The following ZNF420 variants were observed in gnomAD, a reference collection of about 807,000 sequenced individuals.
ZNF420 encodes ATM and p53-associated KZNF protein.
Under a neutral mutation model 44.7 loss-of-function variants are expected in ZNF420, and 31 were observed. The observed-to-expected ratio is 0.69, with a 90% CI of 0.52 to 0.94. ZNF420 has a LOEUF of 0.94. Among genes scored for constraint, ZNF420 ranks in the 40% least tolerant of loss-of-function variants. The pLI, the probability that ZNF420 is intolerant of heterozygous loss-of-function variation, is 0.00. For synonymous variants in ZNF420, 245 were observed against 267.4 expected, an observed-to-expected ratio of 0.92 and a Z score of 0.82; for missense variants, 681 against 827.9, an observed-to-expected ratio of 0.82 and a Z score of 2.18.
intron 1 of ZNF420, among the ~76,000 whole-genome samples, chr19:37,078,884 C>T (rs531341054): frequency 3.0e-4 from 45 of 152,238 alleles, no homozygotes; most frequent in African/African-American, 8.7e-4. Context: ...ACAGTTGTGA[C>T]AAGAGTGTTT....
In ZNF420 at chr19:37,026,422, C is replaced by T. The variant is rs150739887; in HGVS notation, c.-125+18340C>T. On this transcript the variant is annotated intron_variant, in intron 1 of 4. Coordinates refer to the ZNF420 transcript ENST00000587029. ...TGCACCTCCGCCTCCTGGGTTCAAG[C>T]GATTCTCCTGCCTTAACTTCCCAAG... Among the ~76,000 whole-genome samples, 159 of 151,524 alleles carry T rather than the reference C, an allele frequency of 1.0e-3. 1 individual carries two copies. Among genetic ancestry groups the T allele is most frequent in the Middle Eastern group, 6.8e-3 (2 of 292 alleles).
intron 1 of ZNF420, among the ~76,000 whole-genome samples, chr19:37,061,824 A>G (rs532887081): frequency 1.3e-5 from 2 of 152,342 alleles, no homozygotes; most frequent in South Asian, 4.1e-4. Context: ...CAGAAACAAT[A>G]CACGTAAGAT....
intron 1 of ZNF420, among the ~76,000 whole-genome samples, chr19:37,058,047 C>A (rs564373713): frequency 6.6e-6 from 1 of 152,164 alleles, no homozygotes; most frequent in East Asian, 1.9e-4. Context: ...GGGATCTGGC[C>A]TCTGCTCTGT....
At chr19:37,032,779 T>G (rs1967287061) in intron 1 of ZNF420, among the ~76,000 whole-genome samples, 1 of 152,120 alleles carries the variant, frequency 6.6e-6, no homozygotes, top group Non-Finnish European at 1.5e-5. Context: ...CTTGCCCAGA[T>G]CAAGAGTTAC....
In ZNF420 at chr19:37,127,889, A is replaced by G; in HGVS notation, c.898A>G (p.Ile300Val). Residue 300 changes from isoleucine (I) to valine (V), a missense_variant, in exon 5 of 5, where the codon ATT becomes GTT. Transcript: ENST00000337995. ...QLSQLILHKRIHTGEKPYECK... is the reference protein window; with the variant it reads ...QLSQLILHKRVHTGEKPYECK... ...CTCACAACTTATTCTGCATAAGAGA[A>G]TTCATACCGGTGAGAAACCCTATGA... 6.2e-7 allele frequency: 1 copy of G among 1,613,952 alleles called. No individual in the cohort carries two copies. Among genetic ancestry groups the G allele is most frequent in the Non-Finnish European group, 8.5e-7 (1 of 1,179,954 alleles).
intron 1 of ZNF420, among the ~76,000 whole-genome samples, chr19:37,035,800 T>G (rs2146403042): frequency 7.1e-6 from 1 of 141,086 alleles, no homozygotes; most frequent in South Asian, 2.2e-4. Context: ...TAATTGCCCT[T>G]AATAATTGTT....
At chr19:37,028,142 C>G (rs1235207914) in intron 1 of ZNF420, among the ~76,000 whole-genome samples, 3 of 152,148 alleles carry the variant, frequency 2.0e-5, no homozygotes, top group Admixed American at 2.0e-4. Flanking sequence ...AGTGGTATCT[C>G]ATCTTTGTTT....
upstream of ZNF420, chr19:37,078,308 C>T (rs1326108963): frequency 1.3e-5 from 2 of 152,274 alleles, no homozygotes; most frequent in Non-Finnish European, 2.9e-5. Flanking sequence ...GCCCGGGCCT[C>T]CTGGCGTTCT....
At chr19:37,010,710 C>T (rs984854540) in intron 1 of ZNF420, among the ~76,000 whole-genome samples, 2 of 151,914 alleles carry the variant, frequency 1.3e-5, no homozygotes, top group Non-Finnish European at 2.9e-5. Context: ...CAATCGGTTT[C>T]GCGGCAGTTC....
rs550684018 is a variant in ZNF420 at position 37,031,544 on chromosome 19, C to T, written c.-125+23462C>T. ...TTTTGGACACGGAGTCTCGCTCTGTCGCCCAGGCTGGAGTGTAGTGGCATG... is the reference window on the plus strand; with the variant it reads ...TTTTGGACACGGAGTCTCGCTCTGTTGCCCAGGCTGGAGTGTAGTGGCATG... On this transcript the variant is annotated intron_variant, in intron 1 of 4. Transcript: ENST00000587029. Among the ~76,000 whole-genome samples the T allele has an allele frequency of 1.8e-4, 27 of 152,022 alleles. No individual in the cohort carries two copies. In the South Asian group the frequency reaches 5.2e-3, roughly 29 times the overall value.
chr19:37,009,938 C>G (rs1281407457), intron 1 of ZNF420, among the ~76,000 whole-genome samples: 4 of 152,144 alleles, frequency 2.6e-5, no homozygotes, highest in African/African-American at 7.2e-5. Context: ...CCCCCACTCC[C>G]TCGCCGCCCC....
At position 37,091,046 on chromosome 19, in the gene ZNF420, G is replaced by A; in HGVS notation, c.61G>A (p.Glu21Lys). The change falls in exon 4 of 5, where the codon GAA becomes AAA. Residue 21 changes from glutamate to lysine, a missense_variant. Transcript: ENST00000337995. ...VAIDFSQEEWECLDSAQRDLY... is the reference protein window; with the variant it reads ...VAIDFSQEEWKCLDSAQRDLY... ...CATTGACTTCTCTCAGGAAGAGTGGGAATGCCTGGACTCTGCTCAGAGAGA... is the reference window on the plus strand; with the variant it reads ...CATTGACTTCTCTCAGGAAGAGTGGAAATGCCTGGACTCTGCTCAGAGAGA... 6.2e-7 allele frequency: 1 copy of A among 1,613,494 alleles called. No individual in the cohort carries two copies. The highest frequency in any genetic ancestry group is 1.7e-5 in the Admixed American group (1 of 59,966).
At chr19:37,125,800 GA>G (rs5827972) in intron 4 of ZNF420, among the ~76,000 whole-genome samples, 147,855 of 152,302 alleles carry the variant, frequency 0.97, 71,795 homozygotes, top group East Asian at 1. Context: ...CCAAATTTTT[GA>G]AATTTGAGCT....
chr19:37,089,080 C>T lies in ZNF420; in HGVS notation c.-39C>T, dbSNP rs200601923. 5.6e-6 allele frequency: 9 copies of T among 1,606,902 alleles called. No homozygotes were observed. The highest frequency in any genetic ancestry group is 7.7e-6 in the Non-Finnish European group (9 of 1,173,454). On this transcript the variant is annotated 5_prime_UTR_variant, in exon 3 of 5. Transcript: ENST00000337995. ...CTCTGTGCTTTCCTAAGATAGGAAC[C>T]CAGAAGAGGACTGATCATTTCTTGC...
At chr19:37,020,535 A>G (rs2074640797) in intron 1 of ZNF420, among the ~76,000 whole-genome samples, 1 of 152,188 alleles carries the variant, frequency 6.6e-6, no homozygotes, top group Non-Finnish European at 1.5e-5. Flanking sequence ...TTTCCCAAAT[A>G]AACCTGTCTT....
At chr19:37,125,076 G>T (rs532890640) in intron 4 of ZNF420, among the ~76,000 whole-genome samples, 1 of 152,276 alleles carries the variant, frequency 6.6e-6, no homozygotes, top group African/African-American at 2.4e-5. Flanking sequence ...GACCTCAAAT[G>T]ATCCACCTGC....
chr19:37,021,829 C>T (rs540074290), intron 1 of ZNF420, among the ~76,000 whole-genome samples: 3 of 147,678 alleles, frequency 2.0e-5, no homozygotes, highest in East Asian at 4.3e-4. Flanking sequence ...CCCAGCTACT[C>T]GGGAGGCTGA....
chr19:37,013,265 T>G (rs542099894), intron 1 of ZNF420, among the ~76,000 whole-genome samples: 2 of 152,246 alleles, frequency 1.3e-5, no homozygotes, highest in African/African-American at 2.4e-5. Context: ...CGCTCACTAT[T>G]TTTTAAAGGG....
intron 1 of ZNF420, among the ~76,000 whole-genome samples, chr19:37,051,049 C>G (rs191525200): frequency 6.6e-6 from 1 of 152,134 alleles, no homozygotes; most frequent in African/African-American, 2.4e-5. Context: ...GTTGAACCAG[C>G]CTTGCATGCC....
Sources: gnomAD v4.1 joint callset for allele counts (sites outside exome capture counted in the v4.1 genomes callset) on GRCh38, gnomAD v4.1.1 for gene constraint, MANE v1.5 for transcripts, NCBI Gene and HGNC (gene_info 2026-07-23, HGNC 2026-07-21) for gene names.